The following CDH2 variants were observed in gnomAD, a reference collection of about 807,000 sequenced individuals.
The protein encoded by CDH2 is cadherin 2, also known as cadherin-2.
Under a neutral mutation model 92.0 loss-of-function variants are expected in CDH2, and 17 were observed. That is an observed-to-expected ratio of 0.18 (90% CI 0.13 to 0.28). CDH2 has a LOEUF of 0.28. Among genes scored for constraint, CDH2 ranks in the 10% least tolerant of loss-of-function variants. The probability of loss-of-function intolerance (pLI) is 1.00; values close to 1 mark genes in which losing one functional copy is unlikely to be tolerated. For synonymous variants in CDH2, 419 were observed against 415.9 expected (o/e 1.01, Z -0.09); for missense variants, 862 against 1,133.1 (o/e 0.76, Z 3.44).
At chr18:28,172,905 T>C in intron 1 of CDH2, among the ~76,000 whole-genome samples, 1 of 152,004 alleles carries the variant, frequency 6.6e-6, no homozygotes, top group Non-Finnish European at 1.5e-5. Context: ...TCACTTAGGA[T>C]TAAAAAAAAT....
chr18:28,015,934 C>T (rs1281536775), intron 2 of CDH2, among the ~76,000 whole-genome samples: 1 of 152,138 alleles, frequency 6.6e-6, no homozygotes, highest in East Asian at 1.9e-4. Flanking sequence ...ACATATACTG[C>T]CTGGCGAGAG....
At position 27,993,566 on chromosome 18, in the gene CDH2, G is replaced by T; in HGVS notation, c.1092C>A (p.Asn364Lys). ...MEGNPTYGLS[N>K]TATAVITVTD... ...TCACTGTGATGACGGCCGTGGCTGT[G>T]TTTGAAAGGCCATATGTGGGATTGC... Residue 364 changes from asparagine (N) to lysine (K), a missense_variant, in exon 8 of 16, where the codon AAC becomes AAA. Physicochemically the swap from Asn to Lys is moderately conservative, Grantham distance 94. Coordinates refer to ENST00000269141, the MANE Select transcript of CDH2 (RefSeq NM_001792.5). The T allele has an allele frequency of 6.2e-7, 1 of 1,614,092 alleles. No individual in the cohort carries two copies. Among genetic ancestry groups the T allele is most frequent in the South Asian group, 1.1e-5 (1 of 91,088 alleles).
chr18:27,942,711 C>T (rs549047826), intron 6 of CDH2, among the ~76,000 whole-genome samples: 2 of 152,288 alleles, frequency 1.3e-5, no homozygotes, highest in East Asian at 3.9e-4. Context: ...ACATGTTCCC[C>T]CAGAGCCCGG....
intron 14 of CDH2, among the ~76,000 whole-genome samples, chr18:27,977,949 T>C (rs1478429925): frequency 6.6e-6 from 1 of 152,200 alleles, no homozygotes; most frequent in Non-Finnish European, 1.5e-5. Context: ...CCAAGGCCTA[T>C]TATTGTAGAA....
Position 28,167,208 on chromosome 18 carries a change from G to C in CDH2, c.60+9755C>G, listed in dbSNP as rs1416429926. The stretch of plus-strand genomic sequence containing the variant: ...TGTCTCCACTCTCGTTCTAATAAAA[G>C]GAAGGACAAGAGAGACTATAACTTA... On this transcript the variant is annotated intron_variant, in intron 1 of 15. Coordinates refer to ENST00000269141, the MANE Select transcript of CDH2 (RefSeq NM_001792.5). Among the ~76,000 whole-genome samples the C allele has an allele frequency of 2.0e-5, 3 of 152,136 alleles. No individual in the cohort carries two copies. In the East Asian group the frequency reaches 5.8e-4, roughly 29 times the overall value.
chr18:27,965,598 A>G (rs1351788715), intron 14 of CDH2, among the ~76,000 whole-genome samples: 2 of 152,232 alleles, frequency 1.3e-5, no homozygotes, highest in African/African-American at 4.8e-5. Flanking sequence ...TCTTGCACAA[A>G]TGTGCTCCAT....
downstream of CDH2, among the ~76,000 whole-genome samples, chr18:27,947,710 GTGATA>G (rs1248480963): frequency 1.5e-5 from 2 of 137,312 alleles, no homozygotes; most frequent in Admixed American, 1.4e-4. Flanking sequence ...GTAAGTATAT[GTGATA>G]TAAGTATGTG....
intron 2 of CDH2, among the ~76,000 whole-genome samples, chr18:28,022,869 G>A (rs2013448707): frequency 6.6e-6 from 1 of 152,032 alleles, no homozygotes; most frequent in Admixed American, 6.6e-5. Flanking sequence ...AACTCTGTGT[G>A]TGTAATATTT....
chr18:28,097,736 G>A (rs1023105163), intron 2 of CDH2, among the ~76,000 whole-genome samples: 1 of 152,086 alleles, frequency 6.6e-6, no homozygotes, highest in African/African-American at 2.4e-5. Context: ...AGGGGTTCCT[G>A]GAACCAATCC....
chr18:28,029,665 A>G (rs2013644719), intron 2 of CDH2, among the ~76,000 whole-genome samples: 1 of 152,122 alleles, frequency 6.6e-6, no homozygotes, highest in East Asian at 1.9e-4. Flanking sequence ...CAAAGTGAAC[A>G]GGATTAATTG....
At chr18:28,110,105 G>C (rs576487190) in intron 2 of CDH2, among the ~76,000 whole-genome samples, 161 of 152,294 alleles carry the variant, frequency 1.1e-3, no homozygotes, top group African/African-American at 3.7e-3. Flanking sequence ...TCTGAATTAA[G>C]AACTTGGTGT....
chr18:28,153,556 C>T (rs777553462), intron 1 of CDH2, among the ~76,000 whole-genome samples: 4 of 152,160 alleles, frequency 2.6e-5, no homozygotes, highest in African/African-American at 4.8e-5. Flanking sequence ...CCCAACCCCC[C>T]GGGGCCCTAA....
chr18:28,066,184 T>C (rs1312870658), intron 2 of CDH2, among the ~76,000 whole-genome samples: 1 of 152,044 alleles, frequency 6.6e-6, no homozygotes, highest in African/African-American at 2.4e-5. Context: ...AACTAAACAA[T>C]AATAAACAAT....
intron 2 of CDH2, among the ~76,000 whole-genome samples, chr18:28,136,277 T>C (rs1241301004): frequency 1.3e-5 from 2 of 152,140 alleles, no homozygotes; most frequent in African/African-American, 4.8e-5. Context: ...GCCAAAAATG[T>C]CTGTGGTCAG....
At chr18:27,969,420 T>A (rs917622514) in intron 14 of CDH2, among the ~76,000 whole-genome samples, 1 of 152,250 alleles carries the variant, frequency 6.6e-6, no homozygotes, top group African/African-American at 2.4e-5. Context: ...TCCTTTAACA[T>A]GCTACCTGTT....
chr18:28,101,765 T>A (rs1198226175), intron 2 of CDH2, among the ~76,000 whole-genome samples: 1 of 152,118 alleles, frequency 6.6e-6, no homozygotes, highest in Non-Finnish European at 1.5e-5. Flanking sequence ...TTAAAAAGAA[T>A]CTACCCTAAG....
intron 11 of CDH2, among the ~76,000 whole-genome samples, chr18:27,986,052 C>A (rs746206765): frequency 7.2e-5 from 11 of 152,124 alleles, no homozygotes; most frequent in Non-Finnish European, 1.2e-4. Flanking sequence ...GCCCATTATT[C>A]AGGGCTTGCG....
chr18:28,020,286 A>C (rs1302924268), intron 2 of CDH2, among the ~76,000 whole-genome samples: 1 of 152,108 alleles, frequency 6.6e-6, no homozygotes, highest in Non-Finnish European at 1.5e-5. Flanking sequence ...TCTTAGGTAT[A>C]CCAGTAATAT....
At chr18:28,065,092 CT>C (rs1361563021) in intron 2 of CDH2, among the ~76,000 whole-genome samples, 1 of 152,122 alleles carries the variant, frequency 6.6e-6, no homozygotes, top group Non-Finnish European at 1.5e-5. Flanking sequence ...TCAGTGGCTA[CT>C]AAAAAACTCT....
Sources: gnomAD v4.1 joint callset for allele counts (sites outside exome capture counted in the v4.1 genomes callset) on GRCh38, gnomAD v4.1.1 for gene constraint, MANE v1.5 for transcripts, NCBI Gene and HGNC (gene_info 2026-07-23, HGNC 2026-07-21) for gene names.